Variants in AGBL3 observed in about 807,000 individuals in gnomAD.
AGBL3 encodes the protein cytosolic carboxypeptidase 3.
A neutral mutation model predicts 94.5 loss-of-function variants in AGBL3; 68 were observed. That is an observed-to-expected ratio of 0.72 (90% CI 0.59 to 0.88). AGBL3 has a LOEUF of 0.88. Ranked by LOEUF, AGBL3 falls within the 40% of genes least tolerant of loss-of-function variation. The pLI is 0.00. For missense variants in AGBL3, 934 were observed against 1,103.8 expected (o/e 0.85, Z 2.18); for synonymous variants, 354 against 370.7 (o/e 0.95, Z 0.52).
At chr7:135,062,038 T>C (rs1334633645) in intron 12 of AGBL3, among the ~76,000 whole-genome samples, 2 of 152,046 alleles carry the variant, frequency 1.3e-5, no homozygotes, top group South Asian at 2.1e-4. Context: ...CATTTCTTCA[T>C]AGAAGACATT....
At chr7:135,029,303 T>C (rs780450106) in intron 5 of AGBL3, among the ~76,000 whole-genome samples, 10 of 152,240 alleles carry the variant, frequency 6.6e-5, no homozygotes, top group Non-Finnish European at 1.3e-4. Context: ...ATTGTCTACA[T>C]TGAAAGCTGT....
intron 4 of AGBL3, among the ~76,000 whole-genome samples, chr7:134,999,293 T>C (rs1444547570): frequency 6.6e-6 from 1 of 152,206 alleles, no homozygotes; most frequent in East Asian, 1.9e-4. Flanking sequence ...AGGACCCTTT[T>C]ATAGTCTCTG....
intron 14 of AGBL3, 26 bp from the exon 15 acceptor site, chr7:135,081,693 A>AC (rs1437830452): frequency 3.4e-6 from 5 of 1,450,916 alleles, no homozygotes; most frequent in Non-Finnish European, 4.7e-6. Context: ...TTTTCATGCT[A>AC]CTATGATCTT....
chr7:135,054,876 A>T (rs1361038081), intron 11 of AGBL3, among the ~76,000 whole-genome samples: 1 of 152,194 alleles, frequency 6.6e-6, no homozygotes, highest in African/African-American at 2.4e-5. Context: ...GAATACCTAA[A>T]ACTGGGTAAT....
chr7:135,131,119 T>C (rs1273019068), intron 16 of AGBL3, among the ~76,000 whole-genome samples: 1 of 152,104 alleles, frequency 6.6e-6, no homozygotes, highest in Non-Finnish European at 1.5e-5. Flanking sequence ...TTAAAAATCA[T>C]CTTGTAATTA....
chr7:135,042,061 T>C (rs1313313053), intron 8 of AGBL3, among the ~76,000 whole-genome samples: 1 of 152,212 alleles, frequency 6.6e-6, no homozygotes, highest in African/African-American at 2.4e-5. Context: ...GGAACTCTCA[T>C]ACTATACATT....
At chr7:135,128,590 C>A in intron 16 of AGBL3, 1 of 770,712 alleles carries the variant, frequency 1.3e-6, no homozygotes. Context: ...TGTTTGTGAG[C>A]GCTATCTGCT....
At chr7:135,114,110 G>A (rs997563080) in intron 15 of AGBL3, among the ~76,000 whole-genome samples, 2 of 23,572 alleles carry the variant, frequency 8.5e-5, no homozygotes, top group Non-Finnish European at 1.6e-4. Context: ...CAATGAACAC[G>A]TGTGTTGCTT....
Position 135,115,738 on chromosome 7 carries a change from T to C in AGBL3, c.2342+127T>C, listed in dbSNP as rs541441800. The C allele has an allele frequency of 1.1e-4, 87 of 768,928 alleles. No individual in the cohort carries two copies. The African/African-American group carries it at 1.4e-3, about 13-fold the overall frequency. The allele number at this position is 768,928 out of a possible 1,614,324, so 47.6% of individuals were successfully genotyped here. Reference sequence around the variant, plus strand: ...GAAAATGATGTCAGCTCCATCACATTTGGCAAAGAACAAAGACCCAAAGCT... The same window carrying C: ...GAAAATGATGTCAGCTCCATCACATCTGGCAAAGAACAAAGACCCAAAGCT... On this transcript the variant is annotated intron_variant, in intron 16 of 16. Coordinates refer to ENST00000436302, the MANE Select transcript of AGBL3 (RefSeq NM_178563.4).
Position 135,034,390 on chromosome 7 carries a change from AG to A in AGBL3, c.801del (p.Asn268ThrfsTer73), listed in dbSNP as rs1400244303. On this transcript the variant is annotated frameshift_variant, in exon 7 of 17. Transcript: ENST00000436302. LOFTEE classifies it high-confidence loss of function. Reference sequence around the variant, plus strand: ...AATAGGAGACCAAATCAAGTATTATAGGAACAACCCAGGCCAAGATGGGCGC... The same window carrying A: ...AATAGGAGACCAAATCAAGTATTATAGAACAACCCAGGCCAAGATGGGCGC... ...QRIGDQIKYY[R>X]NNPGQDGRHY... 1.3e-6 allele frequency: 2 copies of A among 1,551,690 alleles called. No homozygotes were observed. The highest frequency in any genetic ancestry group is 2.4e-5 in the South Asian group (2 of 84,056).
intron 12 of AGBL3, among the ~76,000 whole-genome samples, chr7:135,071,841 C>A (rs539680591): frequency 1.3e-3 from 204 of 152,278 alleles, no homozygotes; most frequent in African/African-American, 4.8e-3. Context: ...CCATTCAGGA[C>A]GTAGGCATGG....
chr7:135,079,386 G>A (rs1820732102), intron 13 of AGBL3, among the ~76,000 whole-genome samples: 2 of 152,048 alleles, frequency 1.3e-5, no homozygotes, highest in South Asian at 4.1e-4. Context: ...TTTTTTTGCT[G>A]CCAATCAATT....
At chr7:135,081,490 C>A (rs766004275) in intron 14 of AGBL3, among the ~76,000 whole-genome samples, 3 of 151,966 alleles carry the variant, frequency 2.0e-5, no homozygotes, top group Non-Finnish European at 4.4e-5. Context: ...TTTCTTATTT[C>A]TTTATAACAA....
chr7:134,987,010 A>G (rs762363779), intron 1 of AGBL3, among the ~76,000 whole-genome samples: 1 of 152,246 alleles, frequency 6.6e-6, no homozygotes, highest in Non-Finnish European at 1.5e-5. Flanking sequence ...CCCTGTGTGC[A>G]CCTGTAAGGA....
intron 5 of AGBL3, among the ~76,000 whole-genome samples, chr7:135,023,977 C>T (rs1156417563): frequency 6.6e-6 from 1 of 152,174 alleles, no homozygotes; most frequent in Admixed American, 6.5e-5. Context: ...CTTTGGCATG[C>T]AGCTTGTGAG....
chr7:135,109,012 T>C (rs1825202234), intron 15 of AGBL3, among the ~76,000 whole-genome samples: 1 of 152,082 alleles, frequency 6.6e-6, no homozygotes, highest in African/African-American at 2.4e-5. Flanking sequence ...GAAATTCTTG[T>C]AGTGTGTTTT....
chr7:134,996,240 C>T (rs1584762943), intron 4 of AGBL3, among the ~76,000 whole-genome samples: 1 of 152,256 alleles, frequency 6.6e-6, no homozygotes, highest in Non-Finnish European at 1.5e-5. Context: ...GACTGAAACA[C>T]CAAGATCTAT....
In AGBL3 at chr7:135,094,595, G is replaced by A. The variant is rs181226435; in HGVS notation, c.2110+12805G>A. Reference sequence around the variant, plus strand: ...CCTCTTAGTTGCTCTGGAAAGGGGAGAAGAAGAGTAAACATTGTGAAATAC... The same window carrying A: ...CCTCTTAGTTGCTCTGGAAAGGGGAAAAGAAGAGTAAACATTGTGAAATAC... On this transcript the variant is annotated intron_variant, in intron 15 of 16. Transcript: ENST00000436302. 1,012 of 453,870 alleles carry A rather than the reference G, an allele frequency of 2.2e-3. 10 individuals carry two copies. In the Middle Eastern group the frequency reaches 0.031, roughly 14 times the overall value. The allele number at this position is 453,870 out of a possible 1,614,324, so 28.1% of individuals were successfully genotyped here. A position where few individuals can be genotyped will look rare whatever the true frequency, so the allele number is the denominator to read the frequency against.
intron 5 of AGBL3, among the ~76,000 whole-genome samples, chr7:135,022,173 G>T (rs1814573019): frequency 6.6e-6 from 1 of 152,130 alleles, no homozygotes; most frequent in Non-Finnish European, 1.5e-5. Flanking sequence ...ATTCCTTTGG[G>T]TATATACCCA....
Sources: gnomAD v4.1 joint callset for allele counts (sites outside exome capture counted in the v4.1 genomes callset) on GRCh38, gnomAD v4.1.1 for gene constraint, MANE v1.5 for transcripts, NCBI Gene and HGNC (gene_info 2026-07-23, HGNC 2026-07-21) for gene names.